SLC39A11: variants seen among roughly 807,000 people sequenced by gnomAD.
The protein encoded by SLC39A11 is zinc transporter ZIP11.
In SLC39A11, 33 loss-of-function variants were observed where a neutral mutation model predicts 36.1. The ratio of observed to expected loss-of-function variants is 0.91; its 90% CI spans 0.69 to 1.22. The LOEUF (loss-of-function observed/expected upper bound fraction) is 1.22, where lower values mean the gene tolerates loss of function less well. Ranked by LOEUF, SLC39A11 falls within the 50% of genes most tolerant of loss-of-function variation. The pLI is 0.00. For synonymous variants in SLC39A11, 166 were observed against 170.3 expected, an observed-to-expected ratio of 0.97 and a Z score of 0.20; for missense variants, 432 against 430.3, an observed-to-expected ratio of 1.00 and a Z score of -0.03.
intron 5 of SLC39A11, among the ~76,000 whole-genome samples, chr17:72,942,459 C>T (rs2085173718): frequency 6.6e-6 from 1 of 152,126 alleles, no homozygotes; most frequent in Non-Finnish European, 1.5e-5. Context: ...AAATTAATAA[C>T]ATCTCAGAGA....
chr17:72,797,279 C>G (rs1391008084), intron 6 of SLC39A11, among the ~76,000 whole-genome samples: 1 of 152,048 alleles, frequency 6.6e-6, no homozygotes, highest in Admixed American at 6.5e-5. Context: ...GAATGCCAAC[C>G]CATCTATTCT....
intron 7 of SLC39A11, among the ~76,000 whole-genome samples, chr17:72,653,905 C>T (rs1188411227): frequency 1.3e-5 from 2 of 152,086 alleles, no homozygotes; most frequent in African/African-American, 4.8e-5. Flanking sequence ...ATATCCTCCA[C>T]ATAGTCTTGA....
intron 6 of SLC39A11, among the ~76,000 whole-genome samples, chr17:72,799,538 T>G (rs138620444): frequency 0.031 from 4,723 of 152,156 alleles, 235 homozygotes; most frequent in African/African-American, 0.1. Context: ...CAAGGAATAT[T>G]AATATTAATA....
chr17:72,904,865 A>T (rs1316643793), intron 5 of SLC39A11, among the ~76,000 whole-genome samples: 1 of 152,156 alleles, frequency 6.6e-6, no homozygotes, highest in African/African-American at 2.4e-5. Context: ...ATCAGCAGGG[A>T]TTTCTTTACT....
intron 4 of SLC39A11, among the ~76,000 whole-genome samples, chr17:73,007,221 G>A (rs917963602): frequency 6.6e-6 from 1 of 152,160 alleles, no homozygotes; most frequent in Non-Finnish European, 1.5e-5. Flanking sequence ...AGAAGTTCAA[G>A]ACCAGCCCTG....
chr17:72,937,879 A>G (rs1402077211), intron 5 of SLC39A11, among the ~76,000 whole-genome samples: 1 of 152,168 alleles, frequency 6.6e-6, no homozygotes, highest in Non-Finnish European at 1.5e-5. Flanking sequence ...GTAAGAGACC[A>G]TATCATGCAC....
chr17:72,869,972 C>T (rs2080520216), intron 5 of SLC39A11, among the ~76,000 whole-genome samples: 1 of 152,046 alleles, frequency 6.6e-6, no homozygotes, highest in Admixed American at 6.5e-5. Flanking sequence ...CTCAACATTT[C>T]TACCCCAAAG....
At chr17:72,998,049 C>A (rs1308985885) in intron 4 of SLC39A11, among the ~76,000 whole-genome samples, 3 of 152,194 alleles carry the variant, frequency 2.0e-5, no homozygotes, top group East Asian at 3.9e-4. Flanking sequence ...TAAATTCATG[C>A]CAGTTTTGCT....
At chr17:72,769,582 G>T (rs2075866090) in intron 6 of SLC39A11, among the ~76,000 whole-genome samples, 1 of 149,958 alleles carries the variant, frequency 6.7e-6, no homozygotes, top group African/African-American at 2.5e-5. Context: ...GTTTCGCTCT[G>T]TTGCCAGGCC....
intron 3 of SLC39A11, among the ~76,000 whole-genome samples, chr17:73,048,025 A>ATATATATATATATG (rs2059378077): frequency 8.1e-6 from 1 of 123,294 alleles, no homozygotes; most frequent in Non-Finnish European, 1.7e-5. Context: ...ATATATATAT[A>ATATATATATATATG]TCATGTATAG....
At chr17:73,090,311 G>A (rs1026250652) in intron 1 of SLC39A11, among the ~76,000 whole-genome samples, 1 of 152,132 alleles carries the variant, frequency 6.6e-6, no homozygotes, top group Non-Finnish European at 1.5e-5. Flanking sequence ...GAAACTCTGA[G>A]ATAAATAGCA....
intron 6 of SLC39A11, among the ~76,000 whole-genome samples, chr17:72,836,291 C>T (rs1364122242): frequency 6.6e-6 from 1 of 152,032 alleles, no homozygotes; most frequent in East Asian, 1.9e-4. Context: ...AGACACAACA[C>T]ACGGAGACAG....
chr17:73,058,858 T>C (rs2059752301), intron 3 of SLC39A11, among the ~76,000 whole-genome samples: 1 of 152,136 alleles, frequency 6.6e-6, no homozygotes, highest in Admixed American at 6.6e-5. Context: ...GTAATTAATA[T>C]ACCAAAAATG....
chr17:72,914,424 T>C (rs1275773400), intron 5 of SLC39A11, among the ~76,000 whole-genome samples: 1 of 152,158 alleles, frequency 6.6e-6, no homozygotes, highest in East Asian at 1.9e-4. Context: ...GTATTAGGTA[T>C]GATAAGTAAC....
intron 7 of SLC39A11, among the ~76,000 whole-genome samples, chr17:72,669,630 G>A (rs554209395): frequency 1.3e-5 from 2 of 152,260 alleles, no homozygotes; most frequent in South Asian, 4.1e-4. Context: ...AGTAGTTTGT[G>A]CTGGGTTTCT....
intron 7 of SLC39A11, among the ~76,000 whole-genome samples, chr17:72,705,343 G>C (rs1386643638): frequency 1.3e-5 from 2 of 152,188 alleles, no homozygotes; most frequent in South Asian, 4.1e-4. Flanking sequence ...TAGAACATGA[G>C]GAATGTGGTT....
At chr17:73,021,489 G>GCA (rs1256303740) in intron 4 of SLC39A11, among the ~76,000 whole-genome samples, 2 of 151,964 alleles carry the variant, frequency 1.3e-5, no homozygotes, top group Admixed American at 1.3e-4. Flanking sequence ...TTACAAGCAG[G>GCA]CACCACCATG....
intron 6 of SLC39A11, among the ~76,000 whole-genome samples, chr17:72,813,471 G>A (rs976817820): frequency 5.9e-5 from 9 of 152,128 alleles, no homozygotes; most frequent in African/African-American, 2.2e-4. Flanking sequence ...GATTAACCTG[G>A]TAAAATACCA....
At chr17:72,693,460 A>T (rs949014551) in intron 7 of SLC39A11, among the ~76,000 whole-genome samples, 19 of 152,368 alleles carry the variant, frequency 1.2e-4, no homozygotes, top group African/African-American at 3.8e-4. Context: ...CTGGGCCAGG[A>T]GAGCTCAAAA....
Sources: gnomAD v4.1 joint callset for allele counts (sites outside exome capture counted in the v4.1 genomes callset) on GRCh38, gnomAD v4.1.1 for gene constraint, MANE v1.5 for transcripts, NCBI Gene and HGNC (gene_info 2026-07-23, HGNC 2026-07-21) for gene names.